Variants in SRD5A2 observed in about 807,000 individuals in gnomAD.
The protein encoded by SRD5A2 is 3-oxo-5-alpha-steroid 4-dehydrogenase 2.
SRD5A2 carries 30 observed loss-of-function variants against 27.4 expected under a neutral mutation model. The observed-to-expected ratio is 1.10, with a 90% CI of 0.82 to 1.49. The LOEUF (loss-of-function observed/expected upper bound fraction) is 1.49. Among genes scored for constraint, SRD5A2 ranks in the 40% most tolerant of loss-of-function variants. The pLI is 0.00. For missense variants in SRD5A2, 348 were observed against 323.4 expected, an observed-to-expected ratio of 1.08 and a Z score of -0.58; for synonymous variants, 141 against 133.6, an observed-to-expected ratio of 1.06 and a Z score of -0.38.
chr2:31,592,491 C>T, the SRD5A2 span, among the ~76,000 whole-genome samples: 36 of 152,330 alleles, frequency 2.4e-4, no homozygotes, highest in African/African-American at 8.7e-4. Flanking sequence ...CTGGCATTCA[C>T]AGCTGAGAGA....
rs782722082 is a variant in SRD5A2, at chr2:31,580,805, G to T, written c.96C>A (p.Gly32=). ...TCAGGCTCTCCGTGTGCTTCCCGTA[G>T]CCGGAGGGCTTCGCGACGTACAAGG... ...ALALYVAKPS[G]YGKHTESLKP... Residue 32 remains glycine, a synonymous_variant, in exon 1 of 5, where the codon GGC becomes GGA. Transcript: ENST00000622030. 2 of 1,612,530 alleles carry T rather than the reference G, an allele frequency of 1.2e-6. No individual in the cohort carries two copies. Among genetic ancestry groups the T allele is most frequent in the South Asian group, 2.2e-5 (2 of 91,066 alleles).
the SRD5A2 span, among the ~76,000 whole-genome samples, chr2:31,621,921 G>A: frequency 6.6e-6 from 1 of 151,566 alleles, no homozygotes; most frequent in Admixed American, 6.6e-5. Flanking sequence ...GGAAGTACAG[G>A]CATGAGCCAC....
chr2:31,529,269 A>C, intron 4 of SRD5A2, 38 bp downstream of exon 4: 2 of 1,611,798 alleles, frequency 1.2e-6, no homozygotes, highest in South Asian at 1.1e-5. Flanking sequence ...AGAAGAAGAA[A>C]GCTACGTGAA....
chr2:31,524,693 G>C lies in SRD5A2; in HGVS notation c.*1503C>G, dbSNP rs1665733539. The C allele has an allele frequency of 4.3e-6, 1 of 231,114 alleles. No homozygotes were observed. Among genetic ancestry groups the C allele is most frequent in the Non-Finnish European group, 8.6e-6 (1 of 116,780 alleles). 14.3% of individuals were successfully genotyped at this position (231,114 alleles called of 1,614,324 possible). On this transcript the variant is annotated 3_prime_UTR_variant, in exon 5 of 5. Transcript: ENST00000622030. ...CTCAGACCTTTCAAGTTTCCTATGT[G>C]ACTTATATAGTGAGTTTCTGTGCTT...
chr2:31,608,621 A>G, the SRD5A2 span, among the ~76,000 whole-genome samples: 581 of 152,124 alleles, frequency 3.8e-3, 3 homozygotes, highest in African/African-American at 0.012. Flanking sequence ...ATTCCTATAC[A>G]TTAGAAAAGA....
At chr2:31,610,402 C>G in the SRD5A2 span, among the ~76,000 whole-genome samples, 1 of 152,014 alleles carries the variant, frequency 6.6e-6, no homozygotes, top group Non-Finnish European at 1.5e-5. Flanking sequence ...GATATGATAT[C>G]AACAAAGTAG....
chr2:31,589,901 G>C, the SRD5A2 span, among the ~76,000 whole-genome samples: 1 of 152,142 alleles, frequency 6.6e-6, no homozygotes, highest in Non-Finnish European at 1.5e-5. Context: ...AGGCTGCCTG[G>C]ATATAAACTC....
At chr2:31,566,515 A>C (rs972059370) in intron 1 of SRD5A2, among the ~76,000 whole-genome samples, 2 of 152,210 alleles carry the variant, frequency 1.3e-5, no homozygotes, top group East Asian at 3.8e-4. Context: ...GATGAAAGAG[A>C]TGAGATCCTC....
At chr2:31,550,439 A>C (rs997933544) in intron 1 of SRD5A2, among the ~76,000 whole-genome samples, 4 of 151,872 alleles carry the variant, frequency 2.6e-5, no homozygotes, top group African/African-American at 9.7e-5. Context: ...AAGACAGTGC[A>C]AAGAAGAACA....
the SRD5A2 span, among the ~76,000 whole-genome samples, chr2:31,591,042 TA>T: frequency 6.6e-6 from 1 of 152,182 alleles, no homozygotes; most frequent in East Asian, 1.9e-4. Context: ...ACTTCATGTC[TA>T]AAACACCAAA....
Position 31,551,217 on chromosome 2 carries a change from T to C in SRD5A2, c.282-17451A>G, listed in dbSNP as rs563178885. Among the ~76,000 whole-genome samples the C allele has an allele frequency of 1.4e-4, 22 of 152,252 alleles. No individual in the cohort carries two copies. In the South Asian group the frequency reaches 4.4e-3, roughly 30 times the overall value. The stretch of plus-strand genomic sequence containing the variant: ...AAATAAATTAAAGATCTTTTTTAAA[T>C]GGTGACATATCATGTTCATGGATTA... On this transcript the variant is annotated intron_variant, in intron 1 of 4. Coordinates refer to ENST00000622030, the MANE Select transcript of SRD5A2 (RefSeq NM_000348.4).
intron 1 of SRD5A2, among the ~76,000 whole-genome samples, chr2:31,561,933 G>A (rs187557877): frequency 1.3e-5 from 2 of 152,112 alleles, no homozygotes; most frequent in Admixed American, 1.3e-4. Flanking sequence ...GTGGATTTTG[G>A]CATCATGAAA....
chr2:31,625,940 A>C, the SRD5A2 span, among the ~76,000 whole-genome samples: 3 of 152,178 alleles, frequency 2.0e-5, no homozygotes, highest in African/African-American at 7.2e-5. Flanking sequence ...GAATCTATAC[A>C]CTACCTTGGG....
At chr2:31,544,745 A>C (rs1666208531) in intron 1 of SRD5A2, among the ~76,000 whole-genome samples, 1 of 151,924 alleles carries the variant, frequency 6.6e-6, no homozygotes, top group South Asian at 2.1e-4. Flanking sequence ...CAAGGGTAAA[A>C]CCAATAAAAC....
At chr2:31,540,161 TA>T in intron 1 of SRD5A2, among the ~76,000 whole-genome samples, 1 of 152,038 alleles carries the variant, frequency 6.6e-6, no homozygotes, top group African/African-American at 2.4e-5. Context: ...GAGCAATCAC[TA>T]AAAAACTATA....
chr2:31,662,938 A>G, the SRD5A2 span, among the ~76,000 whole-genome samples: 2 of 152,130 alleles, frequency 1.3e-5, no homozygotes, highest in Admixed American at 6.6e-5. Context: ...TACCCCAGCT[A>G]TTAATGTCAT....
At chr2:31,658,756 C>A in the SRD5A2 span, among the ~76,000 whole-genome samples, 1 of 151,956 alleles carries the variant, frequency 6.6e-6, no homozygotes, top group Non-Finnish European at 1.5e-5. Flanking sequence ...AAAGTTCAGG[C>A]CAGATGAATA....
At chr2:31,554,535 GA>G in intron 1 of SRD5A2, among the ~76,000 whole-genome samples, 1 of 152,280 alleles carries the variant, frequency 6.6e-6, no homozygotes, top group East Asian at 1.9e-4. Context: ...AGCAGTTAGA[GA>G]AGAATCCTAA....
At chr2:31,591,831 G>A in the SRD5A2 span, among the ~76,000 whole-genome samples, 10 of 113,578 alleles carry the variant, frequency 8.8e-5, no homozygotes, top group East Asian at 8.3e-4. Flanking sequence ...GCAAACTATC[G>A]CAAGGACAAA....
Sources: allele counts gnomAD v4.1 joint callset (sites outside exome capture counted in the v4.1 genomes callset), GRCh38; gene constraint gnomAD v4.1.1; transcripts MANE v1.5; gene names NCBI Gene and HGNC (gene_info 2026-07-23, HGNC 2026-07-21).